The following MIS18BP1 variants were observed in gnomAD, a reference collection of about 807,000 sequenced individuals.
MIS18BP1 encodes the protein mis18-binding protein 1.
A neutral mutation model predicts 116.1 loss-of-function variants in MIS18BP1; 72 were observed. The ratio of observed to expected loss-of-function variants is 0.62; its 90% CI spans 0.51 to 0.75. The LOEUF (loss-of-function observed/expected upper bound fraction) is 0.75, where lower values mean the gene tolerates loss of function less well. Among genes scored for constraint, MIS18BP1 ranks in the 30% least tolerant of loss-of-function variants. The pLI, the probability that MIS18BP1 is intolerant of heterozygous loss-of-function variation, is 0.00. For missense variants in MIS18BP1, 1,363 were observed against 1,303.2 expected, an observed-to-expected ratio of 1.05 and a Z score of -0.71; for synonymous variants, 386 against 427.0, an observed-to-expected ratio of 0.90 and a Z score of 1.18.
At position 45,241,235 on chromosome 14, in the gene MIS18BP1, C is replaced by T. The variant is rs144035904; in HGVS notation, c.1143+799G>A. 6.1e-3 allele frequency among the ~76,000 whole-genome samples: 931 copies of T among 152,248 alleles called. 10 individuals are homozygous for T. Among genetic ancestry groups the T allele is most frequent in the African/African-American group, 0.021 (882 of 41,548 alleles). On this transcript the variant is annotated intron_variant, in intron 4 of 16. Coordinates refer to ENST00000310806, the MANE Select transcript of MIS18BP1 (RefSeq NM_018353.5). ...CTCTAATCCCGGCACTTTGGGAGGC[C>T]GAGGCGGGAGGATCACTTGAGGTCA...
At position 45,246,815 on chromosome 14, in the gene MIS18BP1, A is replaced by T. The variant is rs753910976; in HGVS notation, c.472T>A (p.Leu158Met). Residue 158 changes from leucine (L) to methionine (M), a missense_variant, in exon 2 of 17, where the codon TTG becomes ATG. Physicochemically the swap from Leu to Met is conservative, Grantham distance 15 (BLOSUM62 2). Coordinates refer to ENST00000310806, the MANE Select transcript of MIS18BP1 (RefSeq NM_018353.5). ...TCTTCACATAGGTAGGTATGCTGCA[A>T]TTTTTTTTTTTCAACTCTGTTAGGA... Reference protein sequence around the residue: ...FTPNRVEKKKLQHTYLCEEKE... With the variant: ...FTPNRVEKKKMQHTYLCEEKE... The T allele has an allele frequency of 5.3e-6, 7 of 1,324,144 alleles. No homozygotes were observed. The highest frequency in any genetic ancestry group is 2.2e-5 in the Admixed American group (1 of 46,394). The allele number at this position is 1,324,144 out of a possible 1,614,324, so 82.0% of individuals were successfully genotyped here.
chr14:45,213,430 C>T (rs1890729861), intron 13 of MIS18BP1, among the ~76,000 whole-genome samples: 2 of 152,070 alleles, frequency 1.3e-5, no homozygotes, highest in African/African-American at 4.8e-5. Context: ...AGAGCCTTAG[C>T]CTTTAAAAGA....
chr14:45,210,625 T>C, intron 13 of MIS18BP1, 97 bp from the exon 14 acceptor site: 1 of 1,434,120 alleles, frequency 7.0e-7, no homozygotes, highest in South Asian at 1.2e-5. Context: ...TGGTTCTTCT[T>C]GTAACTTTCC....
intron 6 of MIS18BP1, among the ~76,000 whole-genome samples, chr14:45,234,864 T>C (rs958250452): frequency 1.3e-5 from 2 of 152,174 alleles, no homozygotes; most frequent in African/African-American, 4.8e-5. Context: ...GGGAGTTAAA[T>C]GATATTCTTA....
At position 45,246,944 on chromosome 14, in the gene MIS18BP1, A is replaced by C; in HGVS notation, c.343T>G (p.Phe115Val). 1 of 1,604,426 alleles carries C rather than the reference A, an allele frequency of 6.2e-7. No homozygotes were observed. Among genetic ancestry groups the C allele is most frequent in the Non-Finnish European group, 8.5e-7 (1 of 1,177,756 alleles). ...KANYESPGKI[F>V]LRMKEKVLRD... ...AGTACTTTTTCTTTCATTCTTAGAA[A>C]TATTTTTCCTGGTGATTCATAGTTT... The change falls in exon 2 of 17, where the codon TTT becomes GTT. Residue 115 changes from phenylalanine to valine, a missense_variant. Phe to Val is a conservative substitution (Grantham distance 50, BLOSUM62 -1). Coordinates refer to ENST00000310806, the MANE Select transcript of MIS18BP1 (RefSeq NM_018353.5).
At chr14:45,237,036 C>A (rs950348732) in intron 5 of MIS18BP1, among the ~76,000 whole-genome samples, 56 of 136,872 alleles carry the variant, frequency 4.1e-4, no homozygotes, top group African/African-American at 1.5e-3. Flanking sequence ...TTTTTTGAGA[C>A]AGAGTCTCGC....
Position 45,227,830 on chromosome 14 carries a change from T to G in MIS18BP1, c.1595-16A>C. The G allele has an allele frequency of 6.2e-7, 1 of 1,607,914 alleles. No individual in the cohort carries two copies. Among genetic ancestry groups the G allele is most frequent in the Non-Finnish European group, 8.5e-7 (1 of 1,177,094 alleles). On this transcript the variant is annotated splice_polypyrimidine_tract_variant and intron_variant, in intron 8 of 16. Transcript: ENST00000310806. ...CTCTTCAGTTCTATGAATACAAAGA[T>G]GGAGATTTCAATAAATGGTTATATA...
chr14:45,231,347 A>G, intron 7 of MIS18BP1, 49 bp from the exon 8 acceptor site: 1 of 1,462,746 alleles, frequency 6.8e-7, no homozygotes. Context: ...TCTCAAAAAA[A>G]CAAAACAAAA....
intron 3 of MIS18BP1, 83 bp downstream of exon 3, chr14:45,242,678 T>C (rs775023013): frequency 1.2e-5 from 18 of 1,459,856 alleles, no homozygotes; most frequent in South Asian, 4.0e-5. Context: ...TAAAGTTTAA[T>C]GCCCACACAA....
intron 8 of MIS18BP1, among the ~76,000 whole-genome samples, chr14:45,228,672 C>T (rs1431481826): frequency 6.6e-6 from 1 of 152,112 alleles, no homozygotes. Context: ...TGTTATTTTT[C>T]TAGAAGCTAT....
chr14:45,232,799 CT>C lies in MIS18BP1; in HGVS notation c.1369del (p.Arg457GlyfsTer22). ...KEAGYPNYLI[R>X]KFMFGFPENW... is the part of the protein sequence containing the mutation. ...TTCTGGAAATCCAAACATAAATTTC[CT>C]TATGAGATAATTTGGATATCCTATT... On this transcript the variant is annotated frameshift_variant, in exon 7 of 17. Transcript: ENST00000310806. LOFTEE classifies it high-confidence loss of function. The C allele has an allele frequency of 1.4e-6, 2 of 1,456,152 alleles. No homozygotes were observed. The highest frequency in any genetic ancestry group is 1.9e-6 in the Non-Finnish European group (2 of 1,066,466). The allele number at this position is 1,456,152 out of a possible 1,614,324, so 90.2% of individuals were successfully genotyped here. A position where few individuals can be genotyped will look rare whatever the true frequency, so the allele number is the denominator to read the frequency against.
intron 13 of MIS18BP1, among the ~76,000 whole-genome samples, chr14:45,213,827 G>C (rs1053122624): frequency 5.3e-5 from 8 of 152,224 alleles, no homozygotes; most frequent in African/African-American, 1.9e-4. Context: ...TCTGCCTTGA[G>C]ATGCTGTTAA....
At chr14:45,237,877 A>G (rs989059718) in intron 4 of MIS18BP1, among the ~76,000 whole-genome samples, 156 bp from the exon 5 acceptor site, 7 of 152,230 alleles carry the variant, frequency 4.6e-5, no homozygotes, top group Non-Finnish European at 8.8e-5. Flanking sequence ...AAATAGCAAT[A>G]GGTAAAATTC....
chr14:45,252,506 C>T (rs1199810900), intron 1 of MIS18BP1, among the ~76,000 whole-genome samples: 1 of 152,144 alleles, frequency 6.6e-6, no homozygotes, highest in Non-Finnish European at 1.5e-5. Context: ...GATGAAGTGG[C>T]CTACCATTTT....
intron 11 of MIS18BP1, among the ~76,000 whole-genome samples, chr14:45,222,063 C>A (rs577772942): frequency 6.6e-6 from 1 of 152,270 alleles, no homozygotes; most frequent in African/African-American, 2.4e-5. Flanking sequence ...TATAGCCACT[C>A]AAGCTTTCTT....
chr14:45,240,106 CAT>C (rs1891535454), intron 4 of MIS18BP1, among the ~76,000 whole-genome samples: 1 of 152,028 alleles, frequency 6.6e-6, no homozygotes, highest in Non-Finnish European at 1.5e-5. Flanking sequence ...GTGCTGGAAA[CAT>C]ATTGGAGAGC....
intron 9 of MIS18BP1, among the ~76,000 whole-genome samples, chr14:45,227,296 C>T (rs1054943316): frequency 5.3e-5 from 8 of 152,050 alleles, no homozygotes; most frequent in Non-Finnish European, 1.2e-4. Context: ...ATCACAAGGT[C>T]AGGAGTTCGA....
chr14:45,227,571 C>T lies in MIS18BP1; in HGVS notation c.1746+92G>A, dbSNP rs1891157299. ...AAAGAAAAAAAAAAAAAAAACAGAACTCACGTCCCTGATATGGTCCCAAAC... is the reference window on the plus strand; with the variant it reads ...AAAGAAAAAAAAAAAAAAAACAGAATTCACGTCCCTGATATGGTCCCAAAC... On this transcript the variant is annotated intron_variant, in intron 9 of 16. Transcript: ENST00000310806. The T allele has an allele frequency of 7.0e-6, 6 of 852,710 alleles. No individual in the cohort carries two copies. The South Asian group carries it at 1.2e-4, about 18-fold the overall frequency. The allele number at this position is 852,710 out of a possible 1,614,324, so 52.8% of individuals were successfully genotyped here.
At chr14:45,227,987 G>A (rs1891172802) in intron 8 of MIS18BP1, among the ~76,000 whole-genome samples, 173 bp from the exon 9 acceptor site, 2 of 152,144 alleles carry the variant, frequency 1.3e-5, no homozygotes, top group African/African-American at 4.8e-5. Context: ...GACTAGCCTA[G>A]GCAAAATAGT....
Sources: gnomAD v4.1 joint callset for allele counts (sites outside exome capture counted in the v4.1 genomes callset) on GRCh38, gnomAD v4.1.1 for gene constraint, MANE v1.5 for transcripts, NCBI Gene and HGNC (gene_info 2026-07-23, HGNC 2026-07-21) for gene names.